SIGLEC5: variants seen among roughly 807,000 people sequenced by gnomAD.
The protein encoded by SIGLEC5 is sialic acid binding Ig like lectin 5.
In SIGLEC5, 34 loss-of-function variants were observed where a neutral mutation model predicts 45.9. The observed-to-expected ratio is 0.74, with a 90% CI of 0.56 to 0.99. The LOEUF is 0.99. Among genes scored for constraint, SIGLEC5 ranks in the 50% least tolerant of loss-of-function variants. The pLI, the probability that SIGLEC5 is intolerant of heterozygous loss-of-function variation, is 0.00. For missense variants in SIGLEC5, 508 were observed against 629.6 expected (o/e 0.81, Z 2.07); for synonymous variants, 203 against 258.6 (o/e 0.79, Z 2.06).
rs560027878 is a variant in SIGLEC5 at position 51,614,954 on chromosome 19, A to T, written c.1465-2532T>A. ...CTAGCATATTAATAACCCAATTTCT[A>T]TAGGAGAAAACAAAAAAACAGAGAG... On this transcript the variant is annotated intron_variant, in intron 8 of 8. Transcript: ENST00000683636. 3.9e-5 allele frequency among the ~76,000 whole-genome samples: 6 copies of T among 152,286 alleles called. No individual in the cohort carries two copies. The East Asian group carries it at 1.2e-3, about 29-fold the overall frequency.
chr19:51,628,723 G>GGT (rs769374738), intron 4 of SIGLEC5, among the ~76,000 whole-genome samples: 1 of 150,276 alleles, frequency 6.7e-6, no homozygotes, highest in South Asian at 2.1e-4. Context: ...ATATGTGTGT[G>GGT]GTGTGTGTGC....
chr19:51,621,664 A>G (rs1484773843), intron 8 of SIGLEC5: 1 of 152,204 alleles, frequency 6.6e-6, no homozygotes, highest in Non-Finnish European at 1.5e-5. Context: ...TGGTATCTAT[A>G]TTTCTGAAAA....
intron 8 of SIGLEC5, among the ~76,000 whole-genome samples, chr19:51,617,723 AAAG>A (rs1373753430): frequency 6.6e-6 from 1 of 152,146 alleles, no homozygotes; most frequent in East Asian, 1.9e-4. Context: ...AGAGAAAGAG[AAAG>A]AAGAACAGAA....
rs776721147 is a variant in SIGLEC5 at position 51,627,661 on chromosome 19, G to T, written c.1083C>A (p.Pro361=). 6.2e-7 allele frequency: 1 copy of T among 1,611,574 alleles called. No homozygotes were observed. The change falls in exon 6 of 9, where the codon CCC becomes CCA. Residue 361 remains proline (P), a synonymous_variant. Transcript: ENST00000683636. ...TCTCCTCAAGCCGCCAGCACAGGGA[G>T]GGGGCCGGCCGGGCTCGAAAGGAGC... The part of the protein sequence containing the change: ...CRCSFRARPA[P]SLCWRLEEKP...
chr19:51,612,048 G>A lies in SIGLEC5; in HGVS notation c.*183C>T. The A allele has an allele frequency of 2.4e-6, 1 of 424,252 alleles. No homozygotes were observed. Among genetic ancestry groups the A allele is most frequent in the Non-Finnish European group, 4.2e-6 (1 of 239,796 alleles). 26.3% of individuals were successfully genotyped at this position (424,252 alleles called of 1,614,324 possible). A position where few individuals can be genotyped will look rare whatever the true frequency, so the allele number is the denominator to read the frequency against. ...AGAGGGATGCAGTGAATTGCTTGAT[G>A]ACAGTGCCAGGGCCTAGATTTGAGC... On this transcript the variant is annotated 3_prime_UTR_variant, in exon 9 of 9. Coordinates refer to ENST00000683636, the MANE Select transcript of SIGLEC5 (RefSeq NM_003830.4).
chr19:51,628,621 G>C, intron 4 of SIGLEC5, among the ~76,000 whole-genome samples: 1 of 150,074 alleles, frequency 6.7e-6, no homozygotes, highest in Admixed American at 6.6e-5. Context: ...ACATGTGTGC[G>C]TGTGTGGGTG....
chr19:51,626,357 G>A (rs1439940984), intron 7 of SIGLEC5, among the ~76,000 whole-genome samples: 2 of 152,158 alleles, frequency 1.3e-5, no homozygotes, highest in African/African-American at 2.4e-5. Flanking sequence ...AACCATGGCA[G>A]GAATGGTCAT....
intron 8 of SIGLEC5, among the ~76,000 whole-genome samples, chr19:51,621,920 G>A (rs192180252): frequency 2.2e-3 from 331 of 152,276 alleles, no homozygotes; most frequent in African/African-American, 7.2e-3. Flanking sequence ...CAAAAGATGT[G>A]TAAGACCTGT....
At chr19:51,615,218 G>A (rs1983010647) in intron 8 of SIGLEC5, among the ~76,000 whole-genome samples, 1 of 152,164 alleles carries the variant, frequency 6.6e-6, no homozygotes, top group South Asian at 2.1e-4. Flanking sequence ...ACCAATGATG[G>A]AACTAAAGAT....
chr19:51,617,377 G>C (rs993950776), intron 8 of SIGLEC5, among the ~76,000 whole-genome samples: 7 of 152,060 alleles, frequency 4.6e-5, no homozygotes, highest in Admixed American at 3.3e-4. Flanking sequence ...GAAAAAAGAT[G>C]CAGGGAATCC....
At chr19:51,629,173 G>C in intron 3 of SIGLEC5, 97 bp from the exon 4 acceptor site, 3 of 1,525,228 alleles carry the variant, frequency 2.0e-6, no homozygotes, top group Admixed American at 1.8e-5. Flanking sequence ...AACCCACCAA[G>C]CGGGGAAGGC....
intron 8 of SIGLEC5, among the ~76,000 whole-genome samples, chr19:51,612,766 C>A (rs1210654579): frequency 1.3e-5 from 2 of 152,232 alleles, no homozygotes; most frequent in Non-Finnish European, 2.9e-5. Context: ...CACAGTGTGG[C>A]TCCACAGAAC....
chr19:51,612,712 C>A (rs1391207707), intron 8 of SIGLEC5, among the ~76,000 whole-genome samples: 3 of 152,190 alleles, frequency 2.0e-5, no homozygotes, highest in Non-Finnish European at 4.4e-5. Flanking sequence ...ACTCCTGTGT[C>A]CCTCATAGGC....
intron 8 of SIGLEC5, among the ~76,000 whole-genome samples, chr19:51,619,018 T>A (rs747474625): frequency 6.6e-6 from 1 of 152,222 alleles, no homozygotes; most frequent in African/African-American, 2.4e-5. Context: ...AGTATTGACA[T>A]GTTGGGAAGA....
intron 8 of SIGLEC5, among the ~76,000 whole-genome samples, chr19:51,620,059 A>G (rs1164281314): frequency 1.0e-4 from 1 of 9,826 alleles, no homozygotes; most frequent in Admixed American, 1.0e-3. Context: ...TTTTGTCAAA[A>G]TATATATATA....
intron 8 of SIGLEC5, among the ~76,000 whole-genome samples, chr19:51,617,157 A>T (rs34984145): frequency 0.41 from 61,494 of 150,494 alleles, 12,932 homozygotes; most frequent in East Asian, 0.55. Context: ...CGGAGGGCTG[A>T]GGCAGGAGAA....
At chr19:51,622,839 G>A (rs1983341188) in intron 8 of SIGLEC5, among the ~76,000 whole-genome samples, 1 of 152,018 alleles carries the variant, frequency 6.6e-6, no homozygotes, top group Non-Finnish European at 1.5e-5. Flanking sequence ...TTTATTCTTA[G>A]ATCCCACAAA....
At chr19:51,617,596 C>T (rs1289145489) in intron 8 of SIGLEC5, among the ~76,000 whole-genome samples, 1 of 152,060 alleles carries the variant, frequency 6.6e-6, no homozygotes, top group African/African-American at 2.4e-5. Flanking sequence ...AATGTATATC[C>T]TGCCAAATAA....
chr19:51,613,879 A>C (rs12974670), intron 8 of SIGLEC5, among the ~76,000 whole-genome samples: 1 of 152,024 alleles, frequency 6.6e-6, no homozygotes. Flanking sequence ...TGACCTAGGC[A>C]GGAGGAGCGG....
Sources: gnomAD v4.1 joint callset for allele counts (sites outside exome capture counted in the v4.1 genomes callset) on GRCh38, gnomAD v4.1.1 for gene constraint, MANE v1.5 for transcripts, NCBI Gene and HGNC (gene_info 2026-07-23, HGNC 2026-07-21) for gene names.